EFCAB11: variants seen among roughly 807,000 people sequenced by gnomAD.
EFCAB11 encodes the protein EF-hand calcium binding domain 11.
In EFCAB11, 14 loss-of-function variants were observed where a neutral mutation model predicts 23.0. The ratio of observed to expected loss-of-function variants is 0.61; its 90% CI spans 0.40 to 0.95. EFCAB11 has a LOEUF of 0.95. Among genes scored for constraint, EFCAB11 ranks in the 40% least tolerant of loss-of-function variants. The pLI, the probability that EFCAB11 is intolerant of heterozygous loss-of-function variation, is 0.00. For missense variants in EFCAB11, 198 were observed against 195.8 expected (o/e 1.01, Z -0.07); for synonymous variants, 65 against 66.6 (o/e 0.98, Z 0.11).
intron 3 of EFCAB11, among the ~76,000 whole-genome samples, chr14:89,949,797 A>G (rs1376510895): frequency 6.6e-6 from 1 of 152,216 alleles, no homozygotes; most frequent in African/African-American, 2.4e-5. Context: ...ACGTGGCTGG[A>G]GAAACCTCAC....
At chr14:89,849,181 A>T (rs999560164) in intron 5 of EFCAB11, among the ~76,000 whole-genome samples, 1 of 152,132 alleles carries the variant, frequency 6.6e-6, no homozygotes, top group Non-Finnish European at 1.5e-5. Context: ...TTCGGTTCTC[A>T]CAAATGTTAT....
At chr14:89,895,398 C>T (rs8009397) in intron 5 of EFCAB11, among the ~76,000 whole-genome samples, 102,570 of 152,100 alleles carry the variant, frequency 0.67, 35,648 homozygotes, top group African/African-American at 0.85. Flanking sequence ...AAATAATCAA[C>T]ACACTGCTAA....
chr14:89,948,525 T>C (rs1891055150), intron 3 of EFCAB11, among the ~76,000 whole-genome samples: 1 of 152,254 alleles, frequency 6.6e-6, no homozygotes, highest in South Asian at 2.1e-4. Context: ...GGAAGATATC[T>C]GCATTCTCAT....
At chr14:89,859,763 T>C (rs953758409) in intron 5 of EFCAB11, among the ~76,000 whole-genome samples, 1 of 152,116 alleles carries the variant, frequency 6.6e-6, no homozygotes, top group Non-Finnish European at 1.5e-5. Flanking sequence ...TGTTCCATCA[T>C]AGACAGAGGA....
At chr14:89,930,628 G>T (rs1056887036) in intron 5 of EFCAB11, among the ~76,000 whole-genome samples, 3 of 152,208 alleles carry the variant, frequency 2.0e-5, no homozygotes, top group African/African-American at 7.2e-5. Context: ...TGAAACTTAA[G>T]CAACCATCTT....
chr14:89,856,390 A>G (rs1300050736), intron 5 of EFCAB11, among the ~76,000 whole-genome samples: 1 of 151,980 alleles, frequency 6.6e-6, no homozygotes, highest in Non-Finnish European at 1.5e-5. Flanking sequence ...GAGTTTCACC[A>G]TGTTGCTCAG....
chr14:89,895,542 A>G lies in EFCAB11; in HGVS notation c.410+35999T>C, dbSNP rs371694646. Among the ~76,000 whole-genome samples, 72 of 152,322 alleles carry G rather than the reference A, an allele frequency of 4.7e-4. No homozygotes were observed. In the South Asian group the frequency reaches 0.014, roughly 29 times the overall value. ...ACAGGAGCAGAGGCAGCAAAGCAGA[A>G]CAGCAGAGAAAAGAGGGCACATTCA... On this transcript the variant is annotated intron_variant, in intron 5 of 5. Coordinates refer to ENST00000316738, the MANE Select transcript of EFCAB11 (RefSeq NM_145231.4).
intron 5 of EFCAB11, chr14:89,924,090 C>T (rs1890111633): frequency 5.1e-6 from 5 of 985,556 alleles, no homozygotes; most frequent in Non-Finnish European, 6.0e-6. Context: ...TCCATCACTC[C>T]CTTTTACAAT....
rs1245040486 is a variant in EFCAB11 at position 89,796,770 on chromosome 14, A to T, written c.*473T>A. ...TCTGCCCCTCTGCAGATATTAGGAG[A>T]TGATGAGATTCAGGGTGGGATGGTG... On this transcript the variant is annotated 3_prime_UTR_variant, in exon 6 of 6. Transcript: ENST00000316738. 2 of 153,156 alleles carry T rather than the reference A, an allele frequency of 1.3e-5. No individual in the cohort carries two copies. The highest frequency in any genetic ancestry group is 4.8e-5 in the African/African-American group (2 of 41,422). 9.5% of individuals were successfully genotyped at this position (153,156 alleles called of 1,614,324 possible).
chr14:89,885,899 G>GTTT (rs1888756902), intron 5 of EFCAB11, among the ~76,000 whole-genome samples: 1 of 146,614 alleles, frequency 6.8e-6, no homozygotes, highest in African/African-American at 2.5e-5. Flanking sequence ...TTTCTTTGGT[G>GTTT]GAAATTGAAA....
chr14:89,797,378 A>G, intron 5 of EFCAB11, 54 bp from the exon 6 acceptor site: 1 of 1,479,604 alleles, frequency 6.8e-7, no homozygotes, highest in Non-Finnish European at 9.4e-7. Context: ...ACACCTATGC[A>G]CCGAGAGCAC....
At chr14:89,826,708 T>C (rs1886702488) in intron 5 of EFCAB11, among the ~76,000 whole-genome samples, 1 of 152,108 alleles carries the variant, frequency 6.6e-6, no homozygotes, top group African/African-American at 2.4e-5. Context: ...GCTTGTCATT[T>C]TTTTTTTCCA....
intron 5 of EFCAB11, among the ~76,000 whole-genome samples, chr14:89,889,137 T>C (rs1352733593): frequency 6.6e-6 from 1 of 152,170 alleles, no homozygotes; most frequent in Non-Finnish European, 1.5e-5. Context: ...TTAAGAGCCA[T>C]GAAACAACAC....
At chr14:89,870,787 AAAAATT>A (rs1888242861) in intron 5 of EFCAB11, among the ~76,000 whole-genome samples, 1 of 151,374 alleles carries the variant, frequency 6.6e-6, no homozygotes, top group African/African-American at 2.4e-5. Context: ...AAAAAAAAAA[AAAAATT>A]AGCCAGGCAT....
intron 3 of EFCAB11, among the ~76,000 whole-genome samples, chr14:89,939,580 A>T (rs1890719486): frequency 6.6e-6 from 1 of 152,070 alleles, no homozygotes; most frequent in African/African-American, 2.4e-5. Context: ...ACTATTTCAA[A>T]TCCCACCCAT....
chr14:89,918,034 A>G (rs921179072), intron 5 of EFCAB11, among the ~76,000 whole-genome samples: 5 of 152,186 alleles, frequency 3.3e-5, no homozygotes, highest in African/African-American at 1.2e-4. Context: ...ACCCTGAGAA[A>G]AAGGACAGGG....
At chr14:89,925,459 C>T (rs1043258454) in intron 5 of EFCAB11, among the ~76,000 whole-genome samples, 4 of 152,136 alleles carry the variant, frequency 2.6e-5, no homozygotes, top group Admixed American at 1.3e-4. Flanking sequence ...TCAAAACACC[C>T]TATTATCTAA....
chr14:89,846,320 A>G (rs1174845445), intron 5 of EFCAB11, among the ~76,000 whole-genome samples: 2 of 152,346 alleles, frequency 1.3e-5, no homozygotes, highest in Admixed American at 6.5e-5. Context: ...ATTCTATCAG[A>G]TTTCTTGGAC....
At chr14:89,949,087 G>T (rs1459155540) in intron 3 of EFCAB11, among the ~76,000 whole-genome samples, 1 of 152,140 alleles carries the variant, frequency 6.6e-6, no homozygotes, top group African/African-American at 2.4e-5. Context: ...ACAATAGGGT[G>T]ACTAGAGTCA....
Sources: gnomAD v4.1 joint callset for allele counts (sites outside exome capture counted in the v4.1 genomes callset) on GRCh38, gnomAD v4.1.1 for gene constraint, MANE v1.5 for transcripts, NCBI Gene and HGNC (gene_info 2026-07-23, HGNC 2026-07-21) for gene names.